CSNK2A2: variants seen among roughly 807,000 people sequenced by gnomAD.
CSNK2A2 encodes casein kinase 2 alpha 2.
In CSNK2A2, 8 loss-of-function variants were observed where a neutral mutation model predicts 54.0. That is an observed-to-expected ratio of 0.15 (90% confidence interval 0.09 to 0.27). The LOEUF (loss-of-function observed/expected upper bound fraction) is 0.27, where lower values mean the gene tolerates loss of function less well. Among genes scored for constraint, CSNK2A2 ranks in the 10% least tolerant of loss-of-function variants. The probability of loss-of-function intolerance (pLI) is 1.00; values close to 1 mark genes in which losing one functional copy is unlikely to be tolerated. For synonymous variants in CSNK2A2, 141 were observed against 153.9 expected (o/e 0.92, Z 0.62); for missense variants, 242 against 439.4 (o/e 0.55, Z 4.02).
intron 2 of CSNK2A2, chr16:58,192,954 C>T (rs527562467): frequency 6.6e-6 from 1 of 152,364 alleles, no homozygotes; most frequent in South Asian, 2.1e-4. Context: ...CTGTTTGACA[C>T]AGGTTAACTA....
intron 2 of CSNK2A2, among the ~76,000 whole-genome samples, chr16:58,194,878 A>C (rs1962394660): frequency 6.6e-6 from 1 of 152,108 alleles, no homozygotes; most frequent in South Asian, 2.1e-4. Flanking sequence ...ATGCTCTCCT[A>C]AATGAACATG....
At chr16:58,162,251 C>T (rs75175017) in intron 11 of CSNK2A2, 9 of 152,180 alleles carry the variant, frequency 5.9e-5, no homozygotes, top group African/African-American at 2.2e-4. Flanking sequence ...AGTTTTGCTG[C>T]CTGACATATC....
At chr16:58,170,620 C>A (rs915210646) in intron 5 of CSNK2A2, among the ~76,000 whole-genome samples, 4 of 152,104 alleles carry the variant, frequency 2.6e-5, no homozygotes, top group African/African-American at 7.2e-5. Context: ...TCAAGTTTCT[C>A]CACATTCTCA....
rs746602008 is a variant in CSNK2A2, at chr16:58,166,558, G to A, written c.827+26C>T. On this transcript the variant is annotated intron_variant, in intron 9 of 11. Coordinates refer to ENST00000262506, the MANE Select transcript of CSNK2A2 (RefSeq NM_001896.4). ...CACTTCTGAAACGGGGTAAGGTAAA[G>A]CACTCTCTCTCTCTCTCTTACTTAC... The A allele has an allele frequency of 3.2e-5, 46 of 1,429,296 alleles. No individual in the cohort carries two copies. The South Asian group carries it at 5.3e-4, about 16-fold the overall frequency. 88.5% of individuals were successfully genotyped at this position (1,429,296 alleles called of 1,614,324 possible). A position where few individuals can be genotyped will look rare whatever the true frequency, so the allele number is the denominator to read the frequency against.
chr16:58,180,370 A>G (rs1231595146), intron 4 of CSNK2A2, among the ~76,000 whole-genome samples: 1 of 135,440 alleles, frequency 7.4e-6, no homozygotes, highest in South Asian at 2.4e-4. Flanking sequence ...GATACTCCAG[A>G]GTTTTTTTTT....
At chr16:58,170,084 T>C (rs1402102155) in intron 5 of CSNK2A2, among the ~76,000 whole-genome samples, 5 of 151,894 alleles carry the variant, frequency 3.3e-5, no homozygotes, top group African/African-American at 4.8e-5. Context: ...AGGGAGAAAA[T>C]TGCTTTGTTT....
At position 58,171,583 on chromosome 16, in the gene CSNK2A2, T is replaced by C. The variant is rs942439703; in HGVS notation, c.429+2868A>G. On this transcript the variant is annotated intron_variant, in intron 5 of 11. Coordinates refer to ENST00000262506, the MANE Select transcript of CSNK2A2 (RefSeq NM_001896.4). ...AACTATGGGGATACATATAAAGATA[T>C]AATCTTCAGAGGAGACACTGAACAG... is the stretch of plus-strand genomic sequence containing the variant. Among the ~76,000 whole-genome samples, 36 of 151,994 alleles carry C rather than the reference T, an allele frequency of 2.4e-4. No individual in the cohort carries two copies. The East Asian group carries it at 3.5e-3, about 15-fold the overall frequency.
rs138491578 is a variant in CSNK2A2, at chr16:58,159,364, G to T, written c.*18-1011C>A. On this transcript the variant is annotated intron_variant, in intron 11 of 11. Coordinates refer to ENST00000262506, the MANE Select transcript of CSNK2A2 (RefSeq NM_001896.4). ...AAACAGTCAATCCCAAGAGGCAGGT[G>T]TCTGAGTGGCGCGACTCAGAAGCAA... 3.5e-4 allele frequency among the ~76,000 whole-genome samples: 54 copies of T among 152,334 alleles called. 1 individual carries two copies. In the South Asian group the frequency reaches 0.011, roughly 31 times the overall value.
chr16:58,165,305 T>C (rs1177488940), intron 10 of CSNK2A2, among the ~76,000 whole-genome samples: 1 of 152,228 alleles, frequency 6.6e-6, no homozygotes, highest in East Asian at 1.9e-4. Flanking sequence ...TTGCGATCTA[T>C]TAACTCAGGG....
At chr16:58,187,597 T>C (rs1962222673) in intron 2 of CSNK2A2, among the ~76,000 whole-genome samples, 1 of 152,218 alleles carries the variant, frequency 6.6e-6, no homozygotes, top group Admixed American at 6.5e-5. Context: ...TTAAAGAGTT[T>C]GAAGAAGAAT....
Position 58,185,950 on chromosome 16 carries a change from T to C in CSNK2A2, c.318+805A>G, listed in dbSNP as rs980041911. On this transcript the variant is annotated intron_variant, in intron 3 of 11. Transcript: ENST00000262506. Reference sequence around the variant, plus strand: ...GCACATAGTAAGCACTCAGTGCATGTTAGCTACTATATTATTATGAGGATG... The same window carrying C: ...GCACATAGTAAGCACTCAGTGCATGCTAGCTACTATATTATTATGAGGATG... 2.0e-5 allele frequency among the ~76,000 whole-genome samples: 3 copies of C among 152,260 alleles called. No homozygotes were observed. In the East Asian group the frequency reaches 5.8e-4, roughly 29 times the overall value.
chr16:58,167,628 C>A, intron 7 of CSNK2A2, 57 bp downstream of exon 7: 7 of 1,323,746 alleles, frequency 5.3e-6, no homozygotes, highest in Non-Finnish European at 7.6e-6. Context: ...CAACAGCAAA[C>A]CAGAAAAGCC....
intron 2 of CSNK2A2, chr16:58,192,992 A>T (rs900664856): frequency 6.6e-6 from 1 of 152,258 alleles, no homozygotes; most frequent in Non-Finnish European, 1.5e-5. Context: ...TCCCCAGTAC[A>T]ATGCTGGAAA....
At chr16:58,183,910 G>T (rs1014409331) in intron 4 of CSNK2A2, among the ~76,000 whole-genome samples, 1 of 152,070 alleles carries the variant, frequency 6.6e-6, no homozygotes. Flanking sequence ...GCCTTGTATC[G>T]GTCTATCCCT....
intron 5 of CSNK2A2, among the ~76,000 whole-genome samples, chr16:58,171,508 T>TA (rs1961735610): frequency 1.3e-5 from 2 of 151,526 alleles, no homozygotes; most frequent in African/African-American, 4.9e-5. Flanking sequence ...GGGCGACAGA[T>TA]AAAAAAAGAA....
intron 5 of CSNK2A2, 75 bp from the exon 6 acceptor site, chr16:58,168,768 T>C (rs1482365207): frequency 3.5e-6 from 4 of 1,133,336 alleles, no homozygotes; most frequent in Non-Finnish European, 3.9e-6. Context: ...GTCTTATTGT[T>C]TGTGACACCT....
Position 58,186,740 on chromosome 16 carries a change from C to A in CSNK2A2, c.318+15G>T. 1 of 1,605,422 alleles carries A rather than the reference C, an allele frequency of 6.2e-7. No homozygotes were observed. Among genetic ancestry groups the A allele is most frequent in the Non-Finnish European group, 8.5e-7 (1 of 1,172,594 alleles). ...CCGGTCTACTAGTATACTCCCCCAA[C>A]CATTTGGCACCTACCACGGGGTCCT... is the stretch of plus-strand genomic sequence containing the variant. On this transcript the variant is annotated intron_variant, in intron 3 of 11. Coordinates refer to ENST00000262506, the MANE Select transcript of CSNK2A2 (RefSeq NM_001896.4).
chr16:58,171,979 A>ATATATATATTT (rs1261137669), intron 5 of CSNK2A2, among the ~76,000 whole-genome samples: 6 of 66,184 alleles, frequency 9.1e-5, no homozygotes, highest in African/African-American at 5.0e-4. Flanking sequence ...ATATATATAT[A>ATATATATATTT]TTTTTTTTTT....
intron 7 of CSNK2A2, 98 bp from the exon 8 acceptor site, chr16:58,167,406 G>C: frequency 4.8e-6 from 4 of 826,204 alleles, no homozygotes; most frequent in Non-Finnish European, 7.4e-6. Flanking sequence ...GTTCAGGGTG[G>C]TATGGCCATA....
Sources: allele counts gnomAD v4.1 joint callset (sites outside exome capture counted in the v4.1 genomes callset), GRCh38; gene constraint gnomAD v4.1.1; transcripts MANE v1.5; gene names NCBI Gene and HGNC (gene_info 2026-07-23, HGNC 2026-07-21).